Variants in ZNF736 observed in about 807,000 individuals in gnomAD.
ZNF736 encodes KRAB-containing zinc-finger repressor protein.
Under a neutral mutation model 11.7 loss-of-function variants are expected in ZNF736, and 6 were observed. The observed-to-expected ratio is 0.51, with a 90% CI of 0.28 to 1.01. The LOEUF (loss-of-function observed/expected upper bound fraction) is 1.01, where lower values mean the gene tolerates loss of function less well. Ranked by LOEUF, ZNF736 falls within the 50% of genes least tolerant of loss-of-function variation. ZNF736 has a pLI of 0.09. For synonymous variants in ZNF736, 139 were observed against 164.7 expected, an observed-to-expected ratio of 0.84 and a Z score of 1.19; for missense variants, 444 against 496.0, an observed-to-expected ratio of 0.90 and a Z score of 1.00.
intron 3 of ZNF736, among the ~76,000 whole-genome samples, chr7:64,337,868 C>T (rs1789282159): frequency 6.6e-6 from 1 of 150,818 alleles, no homozygotes; most frequent in African/African-American, 2.4e-5. Flanking sequence ...GATTCTTCTG[C>T]CTCAGCCTCC....
At chr7:64,341,136 A>C (rs1789332119) in intron 3 of ZNF736, among the ~76,000 whole-genome samples, 1 of 151,880 alleles carries the variant, frequency 6.6e-6, no homozygotes, top group Admixed American at 6.6e-5. Flanking sequence ...AAAATTTTTC[A>C]ACAATTATTT....
intron 3 of ZNF736, among the ~76,000 whole-genome samples, chr7:64,346,292 C>T (rs185186136): frequency 3.3e-4 from 50 of 151,678 alleles, no homozygotes; most frequent in African/African-American, 1.1e-3. Context: ...TTGGTTAACA[C>T]TTGCATAAAA....
chr7:64,341,103 C>G, intron 3 of ZNF736, among the ~76,000 whole-genome samples: 1 of 151,806 alleles, frequency 6.6e-6, no homozygotes, highest in East Asian at 1.9e-4. Context: ...GTTTTCTGAT[C>G]ATTAATTCTG....
rs745511080 is a variant in ZNF736 at position 64,336,361 on chromosome 7, A to C, written c.106A>C (p.Asn36His). Residue 36 changes from asparagine to histidine, a missense_variant, in exon 2 of 4, where the codon AAC becomes CAC. Coordinates refer to ENST00000423484, the MANE Select transcript of ZNF736 (RefSeq NM_001170905.3). Reference protein sequence around the residue: ...QRLYRDVMLENYGNLVSLGLA... With the variant: ...QRLYRDVMLEHYGNLVSLGLA... ...TTTGTATAGGGATGTGATGTTAGAG[A>C]ACTATGGAAACCTGGTCTCCTTGGG... The C allele has an allele frequency of 1.5e-5, 25 of 1,613,274 alleles. No individual in the cohort carries two copies. The East Asian group carries it at 5.6e-4, about 36-fold the overall frequency.
Position 64,336,242 on chromosome 7 carries a change from T to C in ZNF736, c.4-17T>C. On this transcript the variant is annotated splice_polypyrimidine_tract_variant and intron_variant, in intron 1 of 3. Transcript: ENST00000423484. ...ATTCTTTCTATGGTCACTTGGTAAATATGTTTTGTTTTCCAGGGAGTGTTG... is the reference window on the plus strand; with the variant it reads ...ATTCTTTCTATGGTCACTTGGTAAACATGTTTTGTTTTCCAGGGAGTGTTG... 2 of 1,605,046 alleles carry C rather than the reference T, an allele frequency of 1.2e-6. No individual in the cohort carries two copies. Among genetic ancestry groups the C allele is most frequent in the Non-Finnish European group, 1.7e-6 (2 of 1,175,156 alleles).
Position 64,314,000 on chromosome 7 carries a change from T to G in ZNF736, c.-151T>G, listed in dbSNP as rs1788874180. The G allele has an allele frequency of 9.3e-7, 1 of 1,072,454 alleles. No homozygotes were observed. The highest frequency in any genetic ancestry group is 2.6e-5 in the East Asian group (1 of 38,508). 66.4% of individuals were successfully genotyped at this position (1,072,454 alleles called of 1,614,324 possible). A position where few individuals can be genotyped will look rare whatever the true frequency, so the allele number is the denominator to read the frequency against. ...ATGGCGGGGCCTTTGTCTCCTAGCT[T>G]CCGGGCTCTGATCCTAGTTCGCGTC... On this transcript the variant is annotated 5_prime_UTR_variant, in exon 1 of 4. Coordinates refer to ENST00000423484, the MANE Select transcript of ZNF736 (RefSeq NM_001170905.3).
chr7:64,329,584 A>AT (rs1260017768), intron 1 of ZNF736, among the ~76,000 whole-genome samples: 2 of 151,942 alleles, frequency 1.3e-5, no homozygotes, highest in Non-Finnish European at 2.9e-5. Context: ...CTCTTTTTCT[A>AT]TTTTTTTACA....
intron 1 of ZNF736, among the ~76,000 whole-genome samples, chr7:64,317,200 T>C (rs554108760): frequency 5.1e-4 from 78 of 152,356 alleles, no homozygotes; most frequent in African/African-American, 1.7e-3. Context: ...TAAAGCAATA[T>C]GATTGTCTAG....
chr7:64,320,643 G>C (rs1167177023), intron 1 of ZNF736, among the ~76,000 whole-genome samples: 2 of 152,072 alleles, frequency 1.3e-5, no homozygotes, highest in Non-Finnish European at 2.9e-5. Flanking sequence ...ACTGGAAAAA[G>C]TTAAAGTATG....
Position 64,336,286 on chromosome 7 carries a change from G to A in ZNF736, c.31G>A (p.Val11Ile). 6.2e-7 allele frequency: 1 copy of A among 1,612,926 alleles called. No homozygotes were observed. The highest frequency in any genetic ancestry group is 8.5e-7 in the Non-Finnish European group (1 of 1,179,416). MGVLTFRDVA[V>I]EFSPEEWECL... ...AGTGTTGACATTCAGGGATGTGGCT[G>A]TAGAATTCTCCCCAGAAGAGTGGGA... The change falls in exon 2 of 4, where the codon GTA (valine) becomes ATA (isoleucine). Residue 11 changes from valine to isoleucine, a missense_variant. Transcript: ENST00000423484.
At chr7:64,331,817 C>G (rs944148083) in intron 1 of ZNF736, among the ~76,000 whole-genome samples, 1 of 152,112 alleles carries the variant, frequency 6.6e-6, no homozygotes, top group African/African-American at 2.4e-5. Flanking sequence ...GGCCCATATT[C>G]CCATTGCTGC....
rs565000156 is a variant in ZNF736, at chr7:64,324,759, C to G, written c.3+10606C>G. On this transcript the variant is annotated intron_variant, in intron 1 of 3. Transcript: ENST00000423484. ...ACACAGAAATAAGCCAGAGCCTAAC[C>G]CTTTCTGAGCCACTATCTGTAGCAC... is the stretch of plus-strand genomic sequence containing the variant. Among the ~76,000 whole-genome samples, 9 of 152,320 alleles carry G rather than the reference C, an allele frequency of 5.9e-5. No individual in the cohort carries two copies. The East Asian group carries it at 1.5e-3, about 26-fold the overall frequency.
rs899485074 is a variant in ZNF736, at chr7:64,354,825, T to C, written c.*5678T>C. 2 of 152,236 alleles carry C rather than the reference T, an allele frequency of 1.3e-5. No individual in the cohort carries two copies. The highest frequency in any genetic ancestry group is 6.5e-5 in the Admixed American group (1 of 15,284). 9.4% of individuals were successfully genotyped at this position (152,236 alleles called of 1,614,324 possible). A position where few individuals can be genotyped will look rare whatever the true frequency, so the allele number is the denominator to read the frequency against. ...TTTTACTTTATAAAATTGACATAATTGAGTTTATTAAATTTATTGGGCCAA... is the reference window on the plus strand; with the variant it reads ...TTTTACTTTATAAAATTGACATAATCGAGTTTATTAAATTTATTGGGCCAA... On this transcript the variant is annotated 3_prime_UTR_variant, in exon 4 of 4. Transcript: ENST00000423484.
chr7:64,350,701 A>T lies in ZNF736; in HGVS notation c.*1554A>T, dbSNP rs1375771212. 4 of 147,150 alleles carry T rather than the reference A, an allele frequency of 2.7e-5. No individual in the cohort carries two copies. The highest frequency in any genetic ancestry group is 1.0e-4 in the African/African-American group (4 of 39,686). 9.1% of individuals were successfully genotyped at this position (147,150 alleles called of 1,614,324 possible). A position where few individuals can be genotyped will look rare whatever the true frequency, so the allele number is the denominator to read the frequency against. ...GCTTTTTTTTTTTTAATCCTATTTG[A>T]TGGTCTTGAGTATTTGATTGTGGTA... On this transcript the variant is annotated 3_prime_UTR_variant, in exon 4 of 4. Transcript: ENST00000423484.
chr7:64,315,954 GA>G (rs1175948400), intron 1 of ZNF736, among the ~76,000 whole-genome samples: 1 of 152,176 alleles, frequency 6.6e-6, no homozygotes, highest in African/African-American at 2.4e-5. Flanking sequence ...TCACAGGACA[GA>G]AAAGCAAAGA....
At chr7:64,314,198 T>C in intron 1 of ZNF736, 45 bp downstream of exon 1, 1 of 1,550,182 alleles carries the variant, frequency 6.5e-7, no homozygotes, top group Middle Eastern at 1.7e-4. Context: ...AAGAGGCTGT[T>C]TGAATCCGGC....
At chr7:64,328,740 C>A (rs567675363) in intron 1 of ZNF736, among the ~76,000 whole-genome samples, 2 of 151,896 alleles carry the variant, frequency 1.3e-5, no homozygotes, top group African/African-American at 2.4e-5. Context: ...CCAGCCTGGG[C>A]GACAGAGCGA....
At chr7:64,347,583 A>G (rs563600107) in intron 3 of ZNF736, among the ~76,000 whole-genome samples, 29 of 152,236 alleles carry the variant, frequency 1.9e-4, no homozygotes, top group Middle Eastern at 6.8e-3. Flanking sequence ...TTGTCTGTCT[A>G]TGATACTGAA....
At chr7:64,336,776 A>G in intron 2 of ZNF736, 111 bp from the exon 3 acceptor site, 3 of 890,170 alleles carry the variant, frequency 3.4e-6, no homozygotes, top group Non-Finnish European at 5.1e-6. Context: ...GTATATTAAA[A>G]TTAATTTTCT....
Sources: allele counts gnomAD v4.1 joint callset (sites outside exome capture counted in the v4.1 genomes callset), GRCh38; gene constraint gnomAD v4.1.1; transcripts MANE v1.5; gene names NCBI Gene and HGNC (gene_info 2026-07-23, HGNC 2026-07-21).